Variants in DLGAP2 observed in about 807,000 individuals in gnomAD.
The protein encoded by DLGAP2 is DLG associated protein 2.
A neutral mutation model predicts 100.3 loss-of-function variants in DLGAP2; 26 were observed. The ratio of observed to expected loss-of-function variants is 0.26; its 90% confidence interval spans 0.19 to 0.36. The LOEUF is 0.36. Among genes scored for constraint, DLGAP2 ranks in the 10% least tolerant of loss-of-function variants. The pLI, the probability that DLGAP2 is intolerant of heterozygous loss-of-function variation, is 1.00. For missense variants in DLGAP2, 1,858 were observed against 1,453.2 expected, an observed-to-expected ratio of 1.28 and a Z score of -4.53; for synonymous variants, 886 against 630.1, an observed-to-expected ratio of 1.41 and a Z score of -6.08.
At chr8:1,379,403 G>C (rs1796038883) in intron 3 of DLGAP2, among the ~76,000 whole-genome samples, 1 of 152,240 alleles carries the variant, frequency 6.6e-6, no homozygotes, top group Admixed American at 6.5e-5. Context: ...CTAGGAGGTG[G>C]AGAAACGGGC....
chr8:1,321,490 G>A lies in DLGAP2; in HGVS notation c.106+62607G>A, dbSNP rs535960505. ...GCATCCATGTGCGTATGCATGGTCCGTGACCACCATGCTGCTTGGCTGTCA... is the reference window on the plus strand; with the variant it reads ...GCATCCATGTGCGTATGCATGGTCCATGACCACCATGCTGCTTGGCTGTCA... On this transcript the variant is annotated intron_variant, in intron 3 of 14. Transcript: ENST00000637795. Among the ~76,000 whole-genome samples, 13 of 152,356 alleles carry A rather than the reference G, an allele frequency of 8.5e-5. 1 individual carries two copies. The South Asian group carries it at 1.2e-3, about 15-fold the overall frequency.
At chr8:1,336,254 A>T (rs970951216) in intron 3 of DLGAP2, among the ~76,000 whole-genome samples, 1 of 152,252 alleles carries the variant, frequency 6.6e-6, no homozygotes, top group Non-Finnish European at 1.5e-5. Flanking sequence ...TGCTGATTCA[A>T]TGCTAGCATG....
rs1399168331 is a variant in DLGAP2 at position 1,683,874 on chromosome 8, G to A, written c.2704+5245G>A. On this transcript the variant is annotated intron_variant, in intron 12 of 14. Transcript: ENST00000637795. ...TATATATATGTGTGTGTGTGTGTGT[G>A]TGTGTGTGTGTGTGTGTGTGTGTAT... Among the ~76,000 whole-genome samples, 74 of 101,654 alleles carry A rather than the reference G, an allele frequency of 7.3e-4. 1 individual carries two copies. The highest frequency in any genetic ancestry group is 1.4e-3 in the Admixed American group (14 of 9,904). 66.7% of individuals were successfully genotyped at this position (101,654 alleles called of 152,430 possible).
At chr8:1,311,948 A>G (rs1473037750) in intron 3 of DLGAP2, among the ~76,000 whole-genome samples, 1 of 152,244 alleles carries the variant, frequency 6.6e-6, no homozygotes, top group Non-Finnish European at 1.5e-5. Context: ...TCCACCATTA[A>G]TGCTGGAGAT....
intron 3 of DLGAP2, among the ~76,000 whole-genome samples, chr8:1,325,274 A>G (rs1800994625): frequency 2.0e-5 from 3 of 152,174 alleles, no homozygotes; most frequent in African/African-American, 7.2e-5. Context: ...CGATGGTCTC[A>G]CCAAGCTTTC....
At chr8:1,379,856 CGGTGGGGGCCTGCTG>C (rs1796051349) in intron 3 of DLGAP2, 2 of 84,562 alleles carry the variant, frequency 2.4e-5, no homozygotes, top group African/African-American at 3.6e-5. Flanking sequence ...CCCTCCTGCT[CGGTGGGGGCCTGCTG>C]ATTTGGGGTG....
chr8:844,307 A>T (rs552734756), intron 1 of DLGAP2, among the ~76,000 whole-genome samples: 2 of 152,334 alleles, frequency 1.3e-5, no homozygotes, highest in East Asian at 3.9e-4. Context: ...ACATACCTGC[A>T]AAAAGTTATG....
At chr8:1,430,260 A>C (rs1331679893) in intron 3 of DLGAP2, among the ~76,000 whole-genome samples, 1 of 151,770 alleles carries the variant, frequency 6.6e-6, no homozygotes, top group Non-Finnish European at 1.5e-5. Context: ...ATTCTACATA[A>C]GCATTCGAAA....
At chr8:1,216,964 T>C (rs1436004677) in intron 2 of DLGAP2, among the ~76,000 whole-genome samples, 1 of 152,154 alleles carries the variant, frequency 6.6e-6, no homozygotes, top group Non-Finnish European at 1.5e-5. Flanking sequence ...GGTTTTTTCT[T>C]CAACTTTTAC....
chr8:1,443,416 A>C (rs959445959), intron 3 of DLGAP2, among the ~76,000 whole-genome samples: 1 of 152,206 alleles, frequency 6.6e-6, no homozygotes, highest in East Asian at 1.9e-4. Flanking sequence ...GCGGCTGTAC[A>C]TGGGTTTATT....
intron 3 of DLGAP2, among the ~76,000 whole-genome samples, chr8:1,318,520 T>C (rs144445167): frequency 6.6e-6 from 1 of 150,766 alleles, no homozygotes; most frequent in Admixed American, 6.6e-5. Flanking sequence ...TTCCTGACTT[T>C]GAAGTTTAGG....
At chr8:843,792 T>G (rs1025496620) in intron 1 of DLGAP2, among the ~76,000 whole-genome samples, 2 of 152,234 alleles carry the variant, frequency 1.3e-5, no homozygotes, top group Admixed American at 6.5e-5. Context: ...AAAGAAAGCC[T>G]TAGACTTTCT....
intron 3 of DLGAP2, among the ~76,000 whole-genome samples, chr8:1,378,488 C>G (rs575616866): frequency 6.6e-6 from 1 of 151,924 alleles, no homozygotes; most frequent in Non-Finnish European, 1.5e-5. Context: ...CTGCACACAC[C>G]TGGCCTCACC....
intron 3 of DLGAP2, among the ~76,000 whole-genome samples, chr8:1,275,884 A>ATATAATATATAAAT (rs1563056376): frequency 2.4e-3 from 90 of 37,410 alleles, no homozygotes; most frequent in African/African-American, 4.4e-3. Context: ...TATATAAATA[A>ATATAATATATAAAT]ATATATAATA....
intron 6 of DLGAP2, among the ~76,000 whole-genome samples, chr8:1,596,613 C>G (rs1175900538): frequency 2.0e-5 from 3 of 152,196 alleles, no homozygotes; most frequent in East Asian, 1.9e-4. Flanking sequence ...TTGCAGTTCT[C>G]TAATGACCAG....
intron 2 of DLGAP2, among the ~76,000 whole-genome samples, chr8:1,252,417 A>T (rs1799066623): frequency 6.6e-6 from 1 of 151,820 alleles, no homozygotes; most frequent in East Asian, 1.9e-4. Flanking sequence ...TGACGGTGTC[A>T]CAGTCATGTC....
At chr8:863,795 C>A (rs1000208109) in intron 1 of DLGAP2, among the ~76,000 whole-genome samples, 2 of 152,142 alleles carry the variant, frequency 1.3e-5, no homozygotes, top group Admixed American at 6.5e-5. Context: ...ATTAGTACAG[C>A]CGCTATGGAA....
chr8:1,453,740 A>G (rs903468740), intron 3 of DLGAP2, among the ~76,000 whole-genome samples: 1 of 152,202 alleles, frequency 6.6e-6, no homozygotes, highest in Non-Finnish European at 1.5e-5. Flanking sequence ...GCACTTGCCT[A>G]TTAGAAAATG....
At chr8:854,030 G>T (rs1049095206) in intron 1 of DLGAP2, among the ~76,000 whole-genome samples, 6 of 152,150 alleles carry the variant, frequency 3.9e-5, no homozygotes, top group African/African-American at 1.4e-4. Context: ...CGCTGTCTCT[G>T]GACCAGGAAA....
Sources: allele counts gnomAD v4.1 joint callset (sites outside exome capture counted in the v4.1 genomes callset), GRCh38; gene constraint gnomAD v4.1.1; transcripts MANE v1.5; gene names NCBI Gene and HGNC (gene_info 2026-07-23, HGNC 2026-07-21).